Variants in ACOT9 observed in about 807,000 individuals in gnomAD.
ACOT9 encodes the protein acyl-CoA thioesterase 9.
A neutral mutation model predicts 39.7 loss-of-function variants in ACOT9; 34 were observed. The observed-to-expected ratio is 0.86, with a 90% CI of 0.65 to 1.14. The LOEUF is 1.14. ACOT9 is among the 50% of genes most tolerant of loss of function. The pLI, the probability that ACOT9 is intolerant of heterozygous loss-of-function variation, is 0.00. For missense variants in ACOT9, 313 were observed against 344.1 expected (o/e 0.91, Z 0.71); for synonymous variants, 110 against 120.5 (o/e 0.91, Z 0.57).
At chrX:23,722,132 T>C in intron 7 of ACOT9, 148 bp from the exon 8 acceptor site, 2 of 400,742 alleles carry the variant, frequency 5.0e-6, no homozygotes, top group Non-Finnish European at 8.5e-6. Context: ...AGAAGAAATC[T>C]ACATGTGTTT....
At chrX:23,738,276 C>T (rs868343147) in intron 1 of ACOT9, among the ~76,000 whole-genome samples, 16 of 110,317 alleles carry the variant, frequency 1.5e-4, no homozygotes, top group Middle Eastern at 4.6e-3. Flanking sequence ...ATATGCCTTA[C>T]TGAAGGAAAC....
rs1282549895 is a variant in ACOT9 at position 23,702,900 on chromosome X, C to T, written c.*994G>A. ...GGCAATGCTCCATAAGCATAAGCAG[C>T]TATTATTATTGTGGTTCCTATTTTT... On this transcript the variant is annotated 3_prime_UTR_variant, in exon 16 of 16. Transcript: ENST00000379303. 1 of 111,990 alleles carries T rather than the reference C, an allele frequency of 8.9e-6. No individual in the cohort carries two copies. The highest frequency in any genetic ancestry group is 9.6e-5 in the Admixed American group (1 of 10,468). 9.2% of individuals were successfully genotyped at this position (111,990 alleles called of 1,213,427 possible). A position where few individuals can be genotyped will look rare whatever the true frequency, so the allele number is the denominator to read the frequency against.
At chrX:23,732,009 G>C (rs1309580321) in intron 4 of ACOT9, among the ~76,000 whole-genome samples, 1 of 111,617 alleles carries the variant, frequency 9.0e-6, no homozygotes, top group East Asian at 2.8e-4. Context: ...AGGAGATAGA[G>C]GAATGAGTTA....
intron 6 of ACOT9, among the ~76,000 whole-genome samples, chrX:23,727,429 A>T (rs191610017): frequency 1.4e-3 from 157 of 110,241 alleles, no homozygotes; most frequent in Non-Finnish European, 2.3e-3. Flanking sequence ...GGGCTGAAGC[A>T]ATCCTCCCAC....
chrX:23,722,835 G>T, intron 6 of ACOT9, 82 bp from the exon 7 acceptor site: 1 of 607,927 alleles, frequency 1.6e-6, no homozygotes, highest in Non-Finnish European at 2.7e-6. Flanking sequence ...TGAGATCCAT[G>T]AAAAGCCTTG....
chrX:23,712,681 C>G (rs955246222), intron 9 of ACOT9, among the ~76,000 whole-genome samples: 1 of 111,689 alleles, frequency 9.0e-6, no homozygotes, highest in Non-Finnish European at 1.9e-5. Flanking sequence ...AGTGCAATGG[C>G]GCAATCTCGG....
chrX:23,728,218 A>C (rs5970784), intron 6 of ACOT9, among the ~76,000 whole-genome samples: 35,973 of 110,045 alleles, frequency 0.33, 4,725 homozygotes, highest in East Asian at 0.49. Context: ...GGTGGGAGCA[A>C]GTAAGGTAAC....
rs772345781 is a variant in ACOT9, at chrX:23,702,092, A to C, written c.*1802T>G. Among the ~76,000 whole-genome samples the C allele has an allele frequency of 3.3e-4, 36 of 107,687 alleles. No homozygotes were observed. The highest frequency in any genetic ancestry group is 1.5e-3 in the East Asian group (5 of 3,401). 93.5% of individuals were successfully genotyped at this position (107,687 alleles called of 115,157 possible). On this transcript the variant is annotated 3_prime_UTR_variant, in exon 16 of 16. Transcript: ENST00000379303. ...TGTCTCACACACACACACACACACA[A>C]AAATACTTTCCACCTAATTCTGAGG...
intron 8 of ACOT9, among the ~76,000 whole-genome samples, chrX:23,716,995 C>T (rs1207253880): frequency 4.5e-5 from 5 of 111,603 alleles, no homozygotes; most frequent in South Asian, 3.7e-4. Flanking sequence ...GCTGGGACTA[C>T]GGGCACGTGG....
intron 3 of ACOT9, among the ~76,000 whole-genome samples, chrX:23,733,730 C>A (rs772936421): frequency 4.3e-4 from 44 of 102,813 alleles, no homozygotes; most frequent in Non-Finnish European, 6.6e-4. Context: ...AGGCGCTGTG[C>A]CACCACACCC....
At chrX:23,718,883 G>T (rs1360471783) in intron 8 of ACOT9, among the ~76,000 whole-genome samples, 5 of 89,580 alleles carry the variant, frequency 5.6e-5, no homozygotes, top group Non-Finnish European at 1.1e-4. Context: ...TCCAGCCTGG[G>T]TGACAGAGCA....
At chrX:23,740,717 TACAC>T (rs67075682) in intron 1 of ACOT9, among the ~76,000 whole-genome samples, 5,013 of 91,915 alleles carry the variant, frequency 0.055, 253 homozygotes, top group Admixed American at 0.19. Flanking sequence ...CCCCAATACA[TACAC>T]ACACACACAC....
chrX:23,720,035 G>A (rs763415883), intron 8 of ACOT9, among the ~76,000 whole-genome samples: 354 of 111,714 alleles, frequency 3.2e-3, no homozygotes, highest in African/African-American at 5.7e-3. Context: ...GGGTTTCACC[G>A]TGTTAGCCAG....
intron 1 of ACOT9, among the ~76,000 whole-genome samples, chrX:23,738,637 T>C (rs748500134): frequency 9.0e-6 from 1 of 111,127 alleles, no homozygotes; most frequent in African/African-American, 3.3e-5. Context: ...CAACTGAATA[T>C]ATCTGGTTTT....
At chrX:23,727,888 G>A (rs187486849) in intron 6 of ACOT9, among the ~76,000 whole-genome samples, 25 of 106,800 alleles carry the variant, frequency 2.3e-4, no homozygotes, top group Non-Finnish European at 1.9e-4. Flanking sequence ...AATCCCAGCT[G>A]TTCAGGAGGC....
At chrX:23,738,156 C>T (rs1267102791) in intron 1 of ACOT9, among the ~76,000 whole-genome samples, 1 of 109,479 alleles carries the variant, frequency 9.1e-6, no homozygotes, top group Non-Finnish European at 1.9e-5. Flanking sequence ...CATGAGCCAC[C>T]GCACCTGGCC....
At chrX:23,718,207 T>C (rs1929148188) in intron 8 of ACOT9, among the ~76,000 whole-genome samples, 1 of 111,869 alleles carries the variant, frequency 8.9e-6, no homozygotes, top group South Asian at 3.7e-4. Context: ...TGGTACTCTG[T>C]TACTATTTTC....
chrX:23,739,614 A>ACTAT (rs988126017), intron 1 of ACOT9, among the ~76,000 whole-genome samples: 1 of 111,114 alleles, frequency 9.0e-6, no homozygotes. Flanking sequence ...CAACATAGGG[A>ACTAT]GATCCCGTTT....
intron 8 of ACOT9, among the ~76,000 whole-genome samples, chrX:23,719,690 A>G (rs1929229249): frequency 9.0e-6 from 1 of 111,428 alleles, no homozygotes; most frequent in Non-Finnish European, 1.9e-5. Context: ...TCGTGCTCCT[A>G]TGAGAATCTA....
Sources: allele counts gnomAD v4.1 joint callset (sites outside exome capture counted in the v4.1 genomes callset), GRCh38; gene constraint gnomAD v4.1.1; transcripts MANE v1.5; gene names NCBI Gene and HGNC (gene_info 2026-07-23, HGNC 2026-07-21).